ADAM18: variants seen among roughly 807,000 people sequenced by gnomAD.
ADAM18 encodes disintegrin and metalloproteinase domain-containing protein 18.
In ADAM18, 117 loss-of-function variants were observed where a neutral mutation model predicts 94.4. That is an observed-to-expected ratio of 1.24 (90% CI 1.07 to 1.45). The LOEUF is 1.45. Ranked by LOEUF, ADAM18 falls within the 40% of genes most tolerant of loss-of-function variation. The pLI, the probability that ADAM18 is intolerant of heterozygous loss-of-function variation, is 0.00. For missense variants in ADAM18, 936 were observed against 880.0 expected, an observed-to-expected ratio of 1.06 and a Z score of -0.81; for synonymous variants, 327 against 291.6, an observed-to-expected ratio of 1.12 and a Z score of -1.24.
chr8:39,694,859 TA>T (rs1821878584), intron 17 of ADAM18, among the ~76,000 whole-genome samples: 1 of 151,526 alleles, frequency 6.6e-6, no homozygotes, highest in Non-Finnish European at 1.5e-5. Context: ...ATATGCGTCT[TA>T]AAAAATATAT....
intron 2 of ADAM18, among the ~76,000 whole-genome samples, chr8:39,603,200 T>C (rs1818960467): frequency 6.6e-6 from 1 of 152,222 alleles, no homozygotes; most frequent in Non-Finnish European, 1.5e-5. Context: ...GGGCTCTTTT[T>C]TCTATTCCAT....
At chr8:39,588,630 AAC>A (rs1818479144) in intron 2 of ADAM18, among the ~76,000 whole-genome samples, 1 of 141,446 alleles carries the variant, frequency 7.1e-6, no homozygotes, top group South Asian at 2.3e-4. Flanking sequence ...TTGTTGGTTC[AAC>A]ACTGGGAAAC....
chr8:39,695,793 T>C (rs1235885329), intron 17 of ADAM18, among the ~76,000 whole-genome samples: 1 of 151,414 alleles, frequency 6.6e-6, no homozygotes, highest in Non-Finnish European at 1.5e-5. Context: ...AACTATATCA[T>C]TGTATGTATA....
intron 2 of ADAM18, among the ~76,000 whole-genome samples, chr8:39,597,084 G>A (rs573623545): frequency 6.6e-6 from 1 of 152,198 alleles, no homozygotes; most frequent in South Asian, 2.1e-4. Context: ...TATCTTATTT[G>A]ATGAGATGTC....
Position 39,692,674 on chromosome 8 carries a change from G to T in ADAM18, c.1896G>T (p.Gly632=). The T allele has an allele frequency of 1.3e-6, 2 of 1,599,002 alleles. No individual in the cohort carries two copies. Among genetic ancestry groups the T allele is most frequent in the Non-Finnish European group, 1.7e-6 (2 of 1,171,466 alleles). The part of the protein sequence containing the change: ...YNCNATTKCK[G]KGICNNFGNC... ...GTAATGCCACCACAAAATGCAAAGG[G>T]AAAGGGGTAAGTCACTTTTGTATCT... The change falls in exon 17 of 20, where the codon GGG becomes GGT. Residue 632 remains glycine (G), a synonymous_variant. Coordinates refer to ENST00000265707, the MANE Select transcript of ADAM18 (RefSeq NM_014237.3).
rs182019258 is a variant in ADAM18 at position 39,646,993 on chromosome 8, G to T, written c.1047-1351G>T. 2.1e-3 allele frequency among the ~76,000 whole-genome samples: 326 copies of T among 152,116 alleles called. 1 individual carries two copies. The highest frequency in any genetic ancestry group is 0.013 in the Admixed American group (198 of 15,270). On this transcript the variant is annotated intron_variant, in intron 11 of 19. Transcript: ENST00000265707. ...CATCTGACTGAAATGTGAAGGGGTG[G>T]CCTGCCCCTCCACACCTGTGGGATA...
chr8:39,656,711 A>C (rs1254407783), intron 12 of ADAM18, among the ~76,000 whole-genome samples: 1 of 152,218 alleles, frequency 6.6e-6, no homozygotes, highest in Non-Finnish European at 1.5e-5. Context: ...TAAAGAATAC[A>C]TATAAATCAA....
Position 39,645,415 on chromosome 8 carries a change from T to C in ADAM18, c.987T>C (p.Tyr329=), listed in dbSNP as rs576975698. 5.7e-5 allele frequency: 92 copies of C among 1,612,692 alleles called. 1 individual carries two copies. In the Middle Eastern group the frequency reaches 1.7e-3, roughly 29 times the overall value. ...TTGGCCTTAATGTAGGATTAACATA[T>C]GATGACATCACTCAGTGTTTCTGTC... ...QLLGLNVGLT[Y]DDITQCFCLR... is the part of the protein sequence containing the mutation. The change falls in exon 11 of 20, where the codon TAT becomes TAC. Residue 329 remains tyrosine (Y), a synonymous_variant. Coordinates refer to ENST00000265707, the MANE Select transcript of ADAM18 (RefSeq NM_014237.3).
chr8:39,655,949 C>A (rs569003605), intron 12 of ADAM18, among the ~76,000 whole-genome samples: 2 of 151,846 alleles, frequency 1.3e-5, no homozygotes, highest in East Asian at 3.9e-4. Flanking sequence ...TATAAAACTG[C>A]AAATCATTAG....
At chr8:39,668,220 A>C in intron 14 of ADAM18, 24 bp downstream of exon 14, 1 of 1,609,982 alleles carries the variant, frequency 6.2e-7, no homozygotes, top group Non-Finnish European at 8.5e-7. Context: ...TTTCGTATTT[A>C]TTTTACCTTA....
rs537189391 is a variant in ADAM18, at chr8:39,653,404, T to C, written c.1230+4877T>C. 2.6e-5 allele frequency among the ~76,000 whole-genome samples: 4 copies of C among 152,296 alleles called. No individual in the cohort carries two copies. The East Asian group carries it at 7.7e-4, about 29-fold the overall frequency. On this transcript the variant is annotated intron_variant, in intron 12 of 19. Coordinates refer to ENST00000265707, the MANE Select transcript of ADAM18 (RefSeq NM_014237.3). Reference sequence around the variant, plus strand: ...TGGTAAGATGATATCATGTACATTATATAAGTAAACAACAATCAGATAAAA... The same window carrying C: ...TGGTAAGATGATATCATGTACATTACATAAGTAAACAACAATCAGATAAAA...
chr8:39,724,830 T>C (rs1010701835), intron 19 of ADAM18, among the ~76,000 whole-genome samples: 10 of 152,022 alleles, frequency 6.6e-5, no homozygotes, highest in African/African-American at 2.4e-4. Context: ...GTTAGAAGTA[T>C]ATTGTTTAAT....
intron 14 of ADAM18, among the ~76,000 whole-genome samples, chr8:39,672,843 A>T (rs973394115): frequency 6.6e-6 from 1 of 152,186 alleles, no homozygotes; most frequent in African/African-American, 2.4e-5. Flanking sequence ...CAGAAGCCCA[A>T]TGTGATCATG....
chr8:39,656,091 A>G (rs1294867022), intron 12 of ADAM18, among the ~76,000 whole-genome samples: 1 of 152,080 alleles, frequency 6.6e-6, no homozygotes, highest in Non-Finnish European at 1.5e-5. Flanking sequence ...TTCATATGCT[A>G]GCAGGAATTG....
At chr8:39,666,820 A>G (rs1467410881) in intron 13 of ADAM18, among the ~76,000 whole-genome samples, 2 of 152,194 alleles carry the variant, frequency 1.3e-5, no homozygotes, top group African/African-American at 2.4e-5. Context: ...GGGAGCTACA[A>G]TTCAAGATTA....
intron 16 of ADAM18, among the ~76,000 whole-genome samples, chr8:39,685,571 G>T (rs1046725225): frequency 1.3e-5 from 2 of 152,144 alleles, no homozygotes; most frequent in Non-Finnish European, 2.9e-5. Flanking sequence ...ATATCACCTG[G>T]TTTCTAAACC....
intron 16 of ADAM18, among the ~76,000 whole-genome samples, chr8:39,683,656 TA>T (rs2129580639): frequency 6.6e-6 from 1 of 152,340 alleles, no homozygotes; most frequent in African/African-American, 2.4e-5. Flanking sequence ...AATGGTTAAT[TA>T]TATTCAGTAT....
At chr8:39,677,682 G>A (rs972086055) in intron 15 of ADAM18, 146 bp downstream of exon 15, 46 of 604,018 alleles carry the variant, frequency 7.6e-5, no homozygotes, top group African/African-American at 7.5e-4. Context: ...ATGAAATTCA[G>A]GATTTTCTAT....
chr8:39,668,227 C>A (rs372698607), intron 14 of ADAM18, 31 bp downstream of exon 14: 23 of 1,601,746 alleles, frequency 1.4e-5, no homozygotes, highest in Non-Finnish European at 2.0e-5. Flanking sequence ...TTTATTTTAC[C>A]TTACATTTGC....
Sources: allele counts gnomAD v4.1 joint callset (sites outside exome capture counted in the v4.1 genomes callset), GRCh38; gene constraint gnomAD v4.1.1; transcripts MANE v1.5; gene names NCBI Gene and HGNC (gene_info 2026-07-23, HGNC 2026-07-21).